The following TSPAN9 variants were observed in gnomAD, a reference collection of about 807,000 sequenced individuals.
The protein encoded by TSPAN9 is tetraspanin-9.
Under a neutral mutation model 31.0 loss-of-function variants are expected in TSPAN9, and 16 were observed. The ratio of observed to expected loss-of-function variants is 0.52; its 90% CI spans 0.35 to 0.78. The LOEUF is 0.78. Ranked by LOEUF, TSPAN9 falls within the 30% of genes least tolerant of loss-of-function variation. The pLI is 0.01. For synonymous variants in TSPAN9, 145 were observed against 121.6 expected, an observed-to-expected ratio of 1.19 and a Z score of -1.27; for missense variants, 272 against 312.5, an observed-to-expected ratio of 0.87 and a Z score of 0.98.
chr12:3,195,500 C>T (rs1243062479), intron 2 of TSPAN9, among the ~76,000 whole-genome samples: 1 of 152,178 alleles, frequency 6.6e-6, no homozygotes, highest in Non-Finnish European at 1.5e-5. Context: ...TGAAGGGCAG[C>T]CTGCACCTGC....
At chr12:3,239,862 A>T (rs2098395663) in intron 3 of TSPAN9, among the ~76,000 whole-genome samples, 1 of 151,926 alleles carries the variant, frequency 6.6e-6, no homozygotes, top group Non-Finnish European at 1.5e-5. Flanking sequence ...ACAGCTGGGG[A>T]TGTGGAAATT....
rs1278984733 is a variant in TSPAN9 at position 3,165,337 on chromosome 12, T to C, written c.-17-35840T>C. Among the ~76,000 whole-genome samples, 4 of 152,204 alleles carry C rather than the reference T, an allele frequency of 2.6e-5. No homozygotes were observed. The East Asian group carries it at 5.8e-4, about 22-fold the overall frequency. ...TGGGGAAAATAGAGGGATTTCTTAT[T>C]GCTAATTAATGGAGGTTTGCCAGGA... On this transcript the variant is annotated intron_variant, in intron 2 of 8. Coordinates refer to ENST00000011898, the MANE Select transcript of TSPAN9 (RefSeq NM_006675.5).
At chr12:3,089,497 G>T (rs56001229) in intron 2 of TSPAN9, among the ~76,000 whole-genome samples, 2 of 151,682 alleles carry the variant, frequency 1.3e-5, no homozygotes, top group Non-Finnish European at 1.5e-5. Flanking sequence ...GGGTTTTACC[G>T]TGTTGGCCAG....
At chr12:3,198,394 GTCA>G (rs2098368598) in intron 2 of TSPAN9, among the ~76,000 whole-genome samples, 2 of 57,270 alleles carry the variant, frequency 3.5e-5, no homozygotes, top group African/African-American at 7.3e-5. Flanking sequence ...ACCAGCACAG[GTCA>G]CCACCAGCAC....
chr12:3,115,780 T>G (rs933367272), intron 2 of TSPAN9, among the ~76,000 whole-genome samples: 1 of 152,184 alleles, frequency 6.6e-6, no homozygotes, highest in Non-Finnish European at 1.5e-5. Context: ...GATTTCAACA[T>G]GAGAATATTT....
At chr12:3,253,990 G>T (rs1057078740) in intron 3 of TSPAN9, among the ~76,000 whole-genome samples, 1 of 152,210 alleles carries the variant, frequency 6.6e-6, no homozygotes, top group South Asian at 2.1e-4. Context: ...GCAGGGGAGT[G>T]GAGGGATAAG....
chr12:3,104,098 T>C (rs74057528), intron 2 of TSPAN9, among the ~76,000 whole-genome samples: 5,860 of 150,526 alleles, frequency 0.039, 390 homozygotes, highest in African/African-American at 0.13. Context: ...GCAGCGGGAG[T>C]AGGAGGTGGG....
chr12:3,225,994 A>C (rs1591689437), intron 3 of TSPAN9, among the ~76,000 whole-genome samples: 1 of 152,090 alleles, frequency 6.6e-6, no homozygotes, highest in Non-Finnish European at 1.5e-5. Flanking sequence ...AGTAAACCAC[A>C]CAGGGCCTGT....
chr12:3,191,484 AGTCCAGTCTGCTT>A (rs2098364385), intron 2 of TSPAN9, among the ~76,000 whole-genome samples: 1 of 152,118 alleles, frequency 6.6e-6, no homozygotes, highest in African/African-American at 2.4e-5. Flanking sequence ...AGAAACAACT[AGTCCAGTCTGCTT>A]GTTTTGTAGT....
intron 2 of TSPAN9, among the ~76,000 whole-genome samples, chr12:3,141,966 G>A (rs578220200): frequency 6.6e-6 from 1 of 152,226 alleles, no homozygotes; most frequent in Admixed American, 6.5e-5. Context: ...GACTTCCTCT[G>A]TCTGGCGCTT....
chr12:3,269,533 C>CATTCCTGCAGCCTGCCCTCTCTGT (rs1219340993), intron 3 of TSPAN9, among the ~76,000 whole-genome samples: 1 of 105,794 alleles, frequency 9.5e-6, no homozygotes. Context: ...GCCCTCCGTG[C>CATTCCTGCAGCCTGCCCTCTCTGT]GTTCCTGCAG....
At chr12:3,087,049 G>A (rs1289787668) in intron 2 of TSPAN9, among the ~76,000 whole-genome samples, 1 of 152,212 alleles carries the variant, frequency 6.6e-6, no homozygotes, top group Non-Finnish European at 1.5e-5. Flanking sequence ...GAGCTGGGGT[G>A]GGAGGGATTC....
At chr12:3,259,079 A>C (rs946647757) in intron 3 of TSPAN9, among the ~76,000 whole-genome samples, 1 of 152,228 alleles carries the variant, frequency 6.6e-6, no homozygotes, top group Non-Finnish European at 1.5e-5. Flanking sequence ...TGTACTGAGC[A>C]TGGTGCTTAT....
chr12:3,108,013 G>A lies in TSPAN9; in HGVS notation c.-18+24294G>A, dbSNP rs576071721. Among the ~76,000 whole-genome samples the A allele has an allele frequency of 2.6e-5, 4 of 152,252 alleles. No individual in the cohort carries two copies. In the South Asian group the frequency reaches 8.3e-4, roughly 32 times the overall value. Reference sequence around the variant, plus strand: ...ATCCTCACATTTCTGGATACTCCTTGTGTACTCAGTTTAGATGTCACCTCC... The same window carrying A: ...ATCCTCACATTTCTGGATACTCCTTATGTACTCAGTTTAGATGTCACCTCC... On this transcript the variant is annotated intron_variant, in intron 2 of 8. Transcript: ENST00000011898.
At chr12:3,194,779 C>G (rs2098366267) in intron 2 of TSPAN9, among the ~76,000 whole-genome samples, 1 of 152,208 alleles carries the variant, frequency 6.6e-6, no homozygotes, top group South Asian at 2.1e-4. Flanking sequence ...CCAACCCTTT[C>G]ACCATCGATG....
Position 3,187,723 on chromosome 12 carries a change from C to G in TSPAN9, c.-17-13454C>G, listed in dbSNP as rs1214570736. On this transcript the variant is annotated intron_variant, in intron 2 of 8. Transcript: ENST00000011898. This position sits in a 1 kb window ranked among gnomAD's most constrained non-coding sequence, Gnocchi z 5.2. Reference sequence around the variant, plus strand: ...TGAACAGGTCTTGGCTTGCGGTATTCAGGCACGCAGGCCTCTCTCTCCTCT... The same window carrying G: ...TGAACAGGTCTTGGCTTGCGGTATTGAGGCACGCAGGCCTCTCTCTCCTCT... 6.6e-6 allele frequency among the ~76,000 whole-genome samples: 1 copy of G among 152,072 alleles called. No individual in the cohort carries two copies. The highest frequency in any genetic ancestry group is 1.5e-5 in the Non-Finnish European group (1 of 68,014).
In TSPAN9 at chr12:3,280,471, C is replaced by T. The variant is rs1862873422; in HGVS notation, c.420C>T (p.Ile140=). 6.2e-7 allele frequency: 1 copy of T among 1,612,480 alleles called. No individual in the cohort carries two copies. Among genetic ancestry groups the T allele is most frequent in the Non-Finnish European group, 8.5e-7 (1 of 1,179,922 alleles). Residue 140 remains isoleucine, a synonymous_variant, in exon 6 of 9, where the codon ATC becomes ATT. Transcript: ENST00000011898. The surrounding 1 kb of genome is among the most constrained non-coding windows in gnomAD (Gnocchi z 4.5). ...NNVGLKNAWN[I]IQAEMRCCGV... ...TGGGGCTGAAGAACGCCTGGAACAT[C>T]ATCCAGGCTGAGGTGCGGGCTGGGC...
At chr12:3,200,386 C>CCCTCGGCA (rs1168962461) in intron 2 of TSPAN9, 2 of 152,206 alleles carry the variant, frequency 1.3e-5, no homozygotes, top group Non-Finnish European at 2.9e-5. Context: ...TGCGGCGGAT[C>CCCTCGGCA]CCTCGGCACT....
At position 3,283,333 on chromosome 12, in the gene TSPAN9, A is replaced by G. The variant is rs1248383053; in HGVS notation, c.*217A>G. The G allele has an allele frequency of 9.3e-6, 5 of 538,564 alleles. No homozygotes were observed. The highest frequency in any genetic ancestry group is 3.5e-5 in the Admixed American group (1 of 28,488). The allele number at this position is 538,564 out of a possible 1,614,324, so 33.4% of individuals were successfully genotyped here. A position where few individuals can be genotyped will look rare whatever the true frequency, so the allele number is the denominator to read the frequency against. The stretch of plus-strand genomic sequence containing the variant: ...GAGACCTGGGGCTCGGGGCCCCTGG[A>G]TTCCTGCATCTGCATATGCGTATTT... On this transcript the variant is annotated 3_prime_UTR_variant, in exon 9 of 9. Transcript: ENST00000011898.
Sources: allele counts gnomAD v4.1 joint callset (sites outside exome capture counted in the v4.1 genomes callset), GRCh38; gene constraint gnomAD v4.1.1; non-coding constraint Gnocchi (gnomAD v3.1); transcripts MANE v1.5; gene names NCBI Gene and HGNC (gene_info 2026-07-23, HGNC 2026-07-21).